SLC9A8: variants seen among roughly 807,000 people sequenced by gnomAD.
SLC9A8 encodes sodium/hydrogen exchanger 8.
A neutral mutation model predicts 66.6 loss-of-function variants in SLC9A8; 48 were observed. That is an observed-to-expected ratio of 0.72 (90% CI 0.57 to 0.92). The LOEUF is 0.92. SLC9A8 is among the 40% of genes least tolerant of loss of function. SLC9A8 has a pLI of 0.00. For missense variants in SLC9A8, 599 were observed against 747.3 expected (o/e 0.80, Z 2.31); for synonymous variants, 274 against 282.6 (o/e 0.97, Z 0.31).
intron 8 of SLC9A8, among the ~76,000 whole-genome samples, chr20:49,856,581 G>T (rs1186790575): frequency 6.6e-6 from 1 of 152,216 alleles, no homozygotes; most frequent in Non-Finnish European, 1.5e-5. Flanking sequence ...CAGCACTTTG[G>T]AAGGCCAAGG....
At chr20:49,870,900 C>T (rs994606375) in intron 10 of SLC9A8, among the ~76,000 whole-genome samples, 2 of 152,260 alleles carry the variant, frequency 1.3e-5, no homozygotes, top group South Asian at 4.1e-4. Context: ...CAGTCTCACT[C>T]TGTTGTTCAG....
chr20:49,840,885 G>A (rs1040935137), intron 4 of SLC9A8, among the ~76,000 whole-genome samples: 14 of 152,098 alleles, frequency 9.2e-5, no homozygotes, highest in African/African-American at 3.4e-4. Flanking sequence ...GAGAGGCCAA[G>A]GTGGGTGGAT....
chr20:49,829,381 C>T (rs2087070910), intron 3 of SLC9A8: 1 of 159,218 alleles, frequency 6.3e-6, no homozygotes, highest in African/African-American at 2.4e-5. Flanking sequence ...AAAAATTAGC[C>T]AGGCGTGGTG....
At chr20:49,853,754 G>C (rs2088348465) in intron 7 of SLC9A8, among the ~76,000 whole-genome samples, 1 of 152,134 alleles carries the variant, frequency 6.6e-6, no homozygotes, top group Admixed American at 6.5e-5. Context: ...CACTCCCTTG[G>C]AGCTCACAGG....
intron 3 of SLC9A8, among the ~76,000 whole-genome samples, chr20:49,826,392 G>A (rs2086912443): frequency 6.6e-6 from 1 of 152,206 alleles, no homozygotes; most frequent in Admixed American, 6.5e-5. Context: ...AGTTGCCAGA[G>A]AAAGTATGGT....
chr20:49,836,145 T>C (rs756958708), intron 3 of SLC9A8, among the ~76,000 whole-genome samples: 4 of 152,216 alleles, frequency 2.6e-5, no homozygotes, highest in African/African-American at 4.8e-5. Context: ...ATTGTGGACA[T>C]TTCATATAAA....
rs2090007378 is a variant in SLC9A8, at chr20:49,890,067, C to T, written c.*2131C>T. The T allele has an allele frequency of 6.6e-6, 1 of 152,122 alleles. No individual in the cohort carries two copies. Among genetic ancestry groups the T allele is most frequent in the Admixed American group, 6.5e-5 (1 of 15,268 alleles). The allele number at this position is 152,122 out of a possible 1,614,324, so 9.4% of individuals were successfully genotyped here. A position where few individuals can be genotyped will look rare whatever the true frequency, so the allele number is the denominator to read the frequency against. ...GAGCATGTGGGGCTTGGTGGAGGGG[C>T]CCCAGGATTTGTTGGGGGCAAAGGG... On this transcript the variant is annotated 3_prime_UTR_variant, in exon 16 of 16. Transcript: ENST00000361573.
intron 4 of SLC9A8, among the ~76,000 whole-genome samples, chr20:49,840,862 A>G (rs942616166): frequency 1.3e-5 from 2 of 152,082 alleles, no homozygotes; most frequent in Admixed American, 6.6e-5. Flanking sequence ...CATGCCTGTA[A>G]TCCCAGCATT....
At position 49,815,011 on chromosome 20, in the gene SLC9A8, G is replaced by T. The variant is rs771539690; in HGVS notation, c.30G>T (p.Arg10Ser). 6.4e-7 allele frequency: 1 copy of T among 1,557,706 alleles called. No individual in the cohort carries two copies. The highest frequency in any genetic ancestry group is 8.7e-7 in the Non-Finnish European group (1 of 1,147,606). ...TTATGCTTTCTATGTCCTCCAGGAG[G>T]TTCCCCAATACAACTCATGAGGGTT... is the stretch of plus-strand genomic sequence containing the variant. MGEKMAEEE[R>S]FPNTTHEGFN... Residue 10 changes from arginine (R) to serine (S), a missense_variant, in exon 2 of 16, where the codon AGG (arginine) becomes AGT (serine). Arg to Ser is a moderately radical substitution (Grantham distance 110, BLOSUM62 -1). Transcript: ENST00000361573.
chr20:49,818,870 T>G (rs1425793894), intron 2 of SLC9A8, among the ~76,000 whole-genome samples: 1 of 152,210 alleles, frequency 6.6e-6, no homozygotes, highest in Non-Finnish European at 1.5e-5. Context: ...TGAACTCAAG[T>G]GAATTAAGGG....
intron 1 of SLC9A8, among the ~76,000 whole-genome samples, chr20:49,813,174 C>T (rs2086421005): frequency 6.6e-6 from 1 of 152,242 alleles, no homozygotes; most frequent in South Asian, 2.1e-4. Flanking sequence ...AATCTACTGC[C>T]CAGCGCAGGC....
rs57641447 is a variant in SLC9A8 at position 49,840,773 on chromosome 20, A to C, written c.348+1174A>C. 9.7e-4 allele frequency among the ~76,000 whole-genome samples: 147 copies of C among 152,168 alleles called. 1 individual carries two copies. The highest frequency in any genetic ancestry group is 3.5e-3 in the African/African-American group (145 of 41,506). ...CTACTCCTAGGCTGGATATAGCCTG[A>C]TGTGTAGATTTTGCCCACTAACCCA... On this transcript the variant is annotated intron_variant, in intron 4 of 15. Coordinates refer to ENST00000361573, the MANE Select transcript of SLC9A8 (RefSeq NM_015266.3).
rs1290644192 is a variant in SLC9A8 at position 49,887,922 on chromosome 20, C to T, written c.1732C>T (p.Gln578Ter). The change falls in exon 16 of 16, where the codon CAG (glutamine) becomes TAG (stop). Residue 578 changes from glutamine to a stop codon, truncating the protein, a stop_gained. Transcript: ENST00000361573. LOFTEE classifies it high-confidence loss of function. ...QGPSGSEDDE[Q>*]ELL The stretch of plus-strand genomic sequence containing the variant: ...CCCCTCCGGCTCCGAGGACGACGAG[C>T]AGGAGCTGCTCTGACGCCAGGTGCC... The T allele has an allele frequency of 1.5e-5, 25 of 1,613,540 alleles. No homozygotes were observed. The highest frequency in any genetic ancestry group is 1.9e-5 in the Non-Finnish European group (23 of 1,179,728).
intron 3 of SLC9A8, among the ~76,000 whole-genome samples, chr20:49,831,397 C>T (rs1264897978): frequency 1.4e-5 from 2 of 145,402 alleles, no homozygotes; most frequent in Admixed American, 1.4e-4. Context: ...CACAAACACA[C>T]ACACACTCTC....
rs547067899 is a variant in SLC9A8, at chr20:49,888,903, C to CT, written c.*970dup. 533 of 152,688 alleles carry CT rather than the reference C, an allele frequency of 3.5e-3. 3 individuals are homozygous for CT. Among genetic ancestry groups the CT allele is most frequent in the Middle Eastern group, 6.8e-3 (2 of 296 alleles). The allele number at this position is 152,688 out of a possible 1,614,324, so 9.5% of individuals were successfully genotyped here. On this transcript the variant is annotated 3_prime_UTR_variant, in exon 16 of 16. Coordinates refer to ENST00000361573, the MANE Select transcript of SLC9A8 (RefSeq NM_015266.3). ...TCGCTGCTAGTCAGGGTTCCATCCT[C>CT]TTTCCCCTCTCCCAGTTCCCTACCA...
chr20:49,815,240 C>G (rs772693560), intron 2 of SLC9A8, 51 bp downstream of exon 2: 21 of 1,434,104 alleles, frequency 1.5e-5, no homozygotes, highest in Non-Finnish European at 9.2e-7. Context: ...TGTCTGTGTG[C>G]TCGGTCTGTG....
In SLC9A8 at chr20:49,829,833, GA is replaced by G. The variant is rs1352814303; in HGVS notation, c.289+6696del. 2.8e-5 allele frequency: 16 copies of G among 561,732 alleles called. No individual in the cohort carries two copies. The Admixed American group carries it at 2.9e-4, about 10-fold the overall frequency. The allele number at this position is 561,732 out of a possible 1,614,324, so 34.8% of individuals were successfully genotyped here. On this transcript the variant is annotated intron_variant, in intron 3 of 15. Coordinates refer to ENST00000361573, the MANE Select transcript of SLC9A8 (RefSeq NM_015266.3). Reference sequence around the variant, plus strand: ...AGAAGTGCAAACAGCCTGTCTGAAGGAAAAGTGAAGAAGATCATGGGAGATG... The same window carrying G: ...AGAAGTGCAAACAGCCTGTCTGAAGGAAAGTGAAGAAGATCATGGGAGATG...
chr20:49,823,045 AT>A lies in SLC9A8; in HGVS notation c.209-7del, dbSNP rs200132126. 79 of 1,561,400 alleles carry A rather than the reference AT, an allele frequency of 5.1e-5. No homozygotes were observed. Among genetic ancestry groups the A allele is most frequent in the African/African-American group, 6.8e-5 (5 of 73,342 alleles). On this transcript the variant is annotated splice_polypyrimidine_tract_variant and intron_variant, in intron 2 of 15. Coordinates refer to ENST00000361573, the MANE Select transcript of SLC9A8 (RefSeq NM_015266.3). The stretch of plus-strand genomic sequence containing the variant: ...AGTGTTTTTTTTAAAACATTGTATT[AT>A]TTTTTTTTCCACAGCTATCTGCATC...
At chr20:49,837,793 T>C (rs1276910395) in intron 3 of SLC9A8, among the ~76,000 whole-genome samples, 5 of 152,126 alleles carry the variant, frequency 3.3e-5, no homozygotes, top group Non-Finnish European at 1.5e-5. Flanking sequence ...GGTCTCGAAC[T>C]CCTGACCTCA....
Sources: allele counts gnomAD v4.1 joint callset (sites outside exome capture counted in the v4.1 genomes callset), GRCh38; gene constraint gnomAD v4.1.1; transcripts MANE v1.5; gene names NCBI Gene and HGNC (gene_info 2026-07-23, HGNC 2026-07-21).